The following ESRRG variants were observed in gnomAD, a reference collection of about 807,000 sequenced individuals.
ESRRG encodes estrogen-related receptor gamma.
ESRRG carries 13 observed loss-of-function variants against 44.0 expected under a neutral mutation model. The observed-to-expected ratio is 0.30, with a 90% CI of 0.19 to 0.47. ESRRG has a LOEUF of 0.47. Among genes scored for constraint, ESRRG ranks in the 20% least tolerant of loss-of-function variants. The pLI, the probability that ESRRG is intolerant of heterozygous loss-of-function variation, is 1.00. For synonymous variants in ESRRG, 215 were observed against 214.6 expected, an observed-to-expected ratio of 1.00 and a Z score of -0.02; for missense variants, 395 against 580.6, an observed-to-expected ratio of 0.68 and a Z score of 3.29.
chr1:216,742,588 T>C (rs909915711), intron 2 of ESRRG, among the ~76,000 whole-genome samples: 26 of 151,954 alleles, frequency 1.7e-4, no homozygotes, highest in African/African-American at 6.0e-4. Context: ...GACCCTTTCA[T>C]ACAGTACCTT....
At chr1:216,646,830 T>G (rs977640706) in intron 3 of ESRRG, among the ~76,000 whole-genome samples, 2 of 152,162 alleles carry the variant, frequency 1.3e-5, no homozygotes, top group Non-Finnish European at 2.9e-5. Flanking sequence ...TTGCCTTGTT[T>G]CACCTACACT....
intron 1 of ESRRG, among the ~76,000 whole-genome samples, chr1:216,974,426 C>T (rs1056428360): frequency 6.6e-6 from 1 of 152,086 alleles, no homozygotes; most frequent in African/African-American, 2.4e-5. Context: ...TAACCTAGAC[C>T]TAACTCTTGC....
intron 2 of ESRRG, among the ~76,000 whole-genome samples, chr1:216,824,304 G>A (rs1475860890): frequency 6.6e-6 from 1 of 152,042 alleles, no homozygotes; most frequent in Non-Finnish European, 1.5e-5. Context: ...ACATTAGCCG[G>A]GCATGGTGGT....
intron 1 of ESRRG, chr1:216,959,525 T>TA (rs1171071436): frequency 1.0e-3 from 144 of 144,508 alleles, no homozygotes; most frequent in African/African-American, 1.7e-3. Flanking sequence ...GACCCTATCT[T>TA]AAAAAAAAAA....
At chr1:216,735,987 A>ATAT (rs1553555388) in intron 2 of ESRRG, among the ~76,000 whole-genome samples, 2 of 137,092 alleles carry the variant, frequency 1.5e-5, no homozygotes, top group African/African-American at 5.4e-5. Flanking sequence ...CTCAAAAAAA[A>ATAT]ATATATATAT....
chr1:217,084,536 A>G (rs1469359784), intron 1 of ESRRG, among the ~76,000 whole-genome samples: 4 of 152,234 alleles, frequency 2.6e-5, no homozygotes, highest in African/African-American at 4.8e-5. Context: ...CTATTCCATT[A>G]GTATCTATCA....
intron 2 of ESRRG, among the ~76,000 whole-genome samples, chr1:216,653,801 G>A (rs959269029): frequency 1.3e-5 from 2 of 151,994 alleles, no homozygotes; most frequent in Non-Finnish European, 2.9e-5. Flanking sequence ...GAGGACAATG[G>A]ACATTTCTAA....
chr1:216,698,642 C>T (rs1430424484), intron 1 of ESRRG, among the ~76,000 whole-genome samples: 1 of 151,280 alleles, frequency 6.6e-6, no homozygotes, highest in Non-Finnish European at 1.5e-5. Flanking sequence ...CAGTAAGCAA[C>T]GGTGAGTATA....
intron 1 of ESRRG, among the ~76,000 whole-genome samples, chr1:216,980,632 C>A (rs2073799432): frequency 1.3e-5 from 2 of 152,228 alleles, no homozygotes; most frequent in Admixed American, 6.5e-5. Context: ...ACTGCTCCCC[C>A]ACCCATTTCA....
intron 2 of ESRRG, among the ~76,000 whole-genome samples, chr1:216,664,213 G>A (rs911363543): frequency 6.6e-6 from 1 of 151,982 alleles, no homozygotes. Context: ...GCAGTGTAAT[G>A]AAGGGGTTAA....
upstream of ESRRG, among the ~76,000 whole-genome samples, chr1:216,727,195 T>C (rs2087711602): frequency 6.6e-6 from 1 of 152,190 alleles, no homozygotes; most frequent in Non-Finnish European, 1.5e-5. Context: ...GCATAACAAA[T>C]TTAGATTTTC....
At chr1:217,128,724 G>T (rs2092922199) in intron 1 of ESRRG, among the ~76,000 whole-genome samples, 1 of 152,176 alleles carries the variant, frequency 6.6e-6, no homozygotes, top group African/African-American at 2.4e-5. Flanking sequence ...TTCTTGAACA[G>T]CAATAACTTT....
At chr1:217,029,868 G>C (rs2151008951) in intron 1 of ESRRG, among the ~76,000 whole-genome samples, 1 of 152,308 alleles carries the variant, frequency 6.6e-6, no homozygotes, top group South Asian at 2.1e-4. Flanking sequence ...CTAAGGAAAG[G>C]CGCGGGTTTG....
At chr1:217,025,004 G>A (rs77137495) in intron 1 of ESRRG, among the ~76,000 whole-genome samples, 22,605 of 152,094 alleles carry the variant, frequency 0.15, 2,200 homozygotes, top group East Asian at 0.21. Context: ...CTTGGAAGAA[G>A]CAGCACCAGG....
chr1:216,853,338 G>A (rs1208991851), intron 2 of ESRRG, among the ~76,000 whole-genome samples: 2 of 152,142 alleles, frequency 1.3e-5, no homozygotes, highest in African/African-American at 2.4e-5. Flanking sequence ...AATATCCAGC[G>A]TGGATTATGC....
chr1:216,764,224 G>C (rs2092950524), intron 2 of ESRRG, among the ~76,000 whole-genome samples: 2 of 148,082 alleles, frequency 1.4e-5, no homozygotes, highest in African/African-American at 5.0e-5. Flanking sequence ...TTTAAAATTA[G>C]AGATTGAGTC....
rs2041036346 is a variant in ESRRG, at chr1:216,505,455, T to A, written c.*1484A>T. On this transcript the variant is annotated 3_prime_UTR_variant, in exon 7 of 7. Transcript: ENST00000408911. ...TCAGGCATTTTCTGTCTTTGATGAT[T>A]TTTTTTTTTAATTCTGGCATTTGCC... 6.6e-6 allele frequency: 1 copy of A among 150,522 alleles called. No homozygotes were observed. Among genetic ancestry groups the A allele is most frequent in the Admixed American group, 6.6e-5 (1 of 15,044 alleles). 9.3% of individuals were successfully genotyped at this position (150,522 alleles called of 1,614,324 possible).
At chr1:217,002,202 T>G (rs1208639218) in intron 1 of ESRRG, among the ~76,000 whole-genome samples, 1 of 150,710 alleles carries the variant, frequency 6.6e-6, no homozygotes, top group East Asian at 2.0e-4. Context: ...CCCTGGTGGC[T>G]GAGCCACGAG....
At chr1:216,760,799 T>G (rs1163392412) in intron 2 of ESRRG, among the ~76,000 whole-genome samples, 1 of 152,116 alleles carries the variant, frequency 6.6e-6, no homozygotes, top group East Asian at 1.9e-4. Flanking sequence ...AGAATTCAAT[T>G]CAGTTTAATC....
Sources: allele counts gnomAD v4.1 joint callset (sites outside exome capture counted in the v4.1 genomes callset), GRCh38; gene constraint gnomAD v4.1.1; transcripts MANE v1.5; gene names NCBI Gene and HGNC (gene_info 2026-07-23, HGNC 2026-07-21).